The following MLIP variants were observed in gnomAD, a reference collection of about 807,000 sequenced individuals.
MLIP encodes the protein muscular LMNA-interacting protein.
A neutral mutation model predicts 84.8 loss-of-function variants in MLIP; 79 were observed. The observed-to-expected ratio is 0.93, with a 90% CI of 0.78 to 1.12. The LOEUF (loss-of-function observed/expected upper bound fraction) is 1.12, where lower values mean the gene tolerates loss of function less well. Among genes scored for constraint, MLIP ranks in the 50% most tolerant of loss-of-function variants. The pLI is 0.00. For missense variants in MLIP, 1,257 were observed against 1,160.6 expected, an observed-to-expected ratio of 1.08 and a Z score of -1.21; for synonymous variants, 504 against 463.0, an observed-to-expected ratio of 1.09 and a Z score of -1.14.
chr6:54,121,459 GGTTCTGAAGCCAA>G lies in MLIP; in HGVS notation c.110_122del (p.Gly37AspfsTer3). On this transcript the variant is annotated frameshift_variant, in exon 2 of 14. Transcript: ENST00000502396. LOFTEE classifies it high-confidence loss of function. ...ACATGTCTCATAGGTCTCTGCTGGT[GGTTCTGAAGCCAA>G]ACCTCTGATCTTCACATTTGTCCCC... The G allele has an allele frequency of 6.2e-7, 1 of 1,614,020 alleles. No individual in the cohort carries two copies.
chr6:54,070,295 TATG>T (rs1223727131), intron 1 of MLIP, among the ~76,000 whole-genome samples: 1 of 152,188 alleles, frequency 6.6e-6, no homozygotes, highest in Non-Finnish European at 1.5e-5. Flanking sequence ...CACAGTTTGA[TATG>T]ATGTTAGATT....
chr6:54,060,980 T>C (rs1449332953), intron 1 of MLIP, among the ~76,000 whole-genome samples: 1 of 150,998 alleles, frequency 6.6e-6, no homozygotes, highest in Non-Finnish European at 1.5e-5. Context: ...CAAGTTTTAC[T>C]GTTTCTTTTT....
upstream of MLIP, among the ~76,000 whole-genome samples, chr6:54,109,929 C>CTTCCTTCCTTCCTTCCTTCT (rs1397583578): frequency 9.6e-5 from 10 of 103,788 alleles, no homozygotes; most frequent in East Asian, 1.3e-3. Context: ...TTCTTTCTTC[C>CTTCCTTCCTTCCTTCCTTCT]TTCCTTCCTT....
chr6:54,251,775 TTATAACA>T (rs1398400771), intron 12 of MLIP, among the ~76,000 whole-genome samples: 1 of 97,900 alleles, frequency 1.0e-5, no homozygotes, highest in Non-Finnish European at 1.8e-5. Context: ...TAAATATATA[TTATAACA>T]TATAATATAT....
intron 9 of MLIP, 34 bp downstream of exon 9, chr6:54,169,606 C>T: frequency 6.9e-7 from 1 of 1,454,202 alleles, no homozygotes; most frequent in Non-Finnish European, 9.4e-7. Flanking sequence ...CACTGCTTTT[C>T]AAATGGGTGC....
intron 1 of MLIP, among the ~76,000 whole-genome samples, chr6:54,052,267 C>A (rs1043783455): frequency 6.6e-6 from 1 of 152,048 alleles, no homozygotes; most frequent in Non-Finnish European, 1.5e-5. Context: ...GGCTATAGGA[C>A]AACTATGATA....
chr6:54,071,796 T>C (rs1358842816), intron 1 of MLIP, among the ~76,000 whole-genome samples: 2 of 152,084 alleles, frequency 1.3e-5, no homozygotes, highest in African/African-American at 4.8e-5. Context: ...ATAAAATCTA[T>C]CAGGAAAAAA....
intron 9 of MLIP, among the ~76,000 whole-genome samples, chr6:54,169,877 G>C (rs1012241139): frequency 3.3e-5 from 5 of 151,580 alleles, no homozygotes; most frequent in African/African-American, 1.2e-4. Context: ...TTTTTGTAAT[G>C]GTTTATTATG....
chr6:54,233,494 C>A (rs1781151245), intron 12 of MLIP, among the ~76,000 whole-genome samples: 1 of 152,186 alleles, frequency 6.6e-6, no homozygotes, highest in Non-Finnish European at 1.5e-5. Flanking sequence ...CATGTCCCTG[C>A]AGAAGACATG....
rs563425272 is a variant in MLIP, at chr6:54,019,973, A to G, written c.63+882A>G. ...TAAAGTAATATATTTAATAAAATAC[A>G]CAACCTTTTCTTAAAGGAATCAGGT... is the stretch of plus-strand genomic sequence containing the variant. On this transcript the variant is annotated intron_variant, in intron 1 of 12. Coordinates refer to the MLIP transcript ENST00000274897. Among the ~76,000 whole-genome samples the G allele has an allele frequency of 2.0e-5, 3 of 152,342 alleles. No individual in the cohort carries two copies. The South Asian group carries it at 6.2e-4, about 32-fold the overall frequency.
intron 9 of MLIP, 31 bp downstream of exon 9, chr6:54,169,603 T>G: frequency 6.7e-7 from 1 of 1,494,132 alleles, no homozygotes; most frequent in Non-Finnish European, 9.1e-7. Context: ...ACACACTGCT[T>G]TTCAAATGGG....
intron 12 of MLIP, among the ~76,000 whole-genome samples, chr6:54,252,988 C>G (rs980793996): frequency 6.6e-6 from 1 of 152,164 alleles, no homozygotes; most frequent in South Asian, 2.1e-4. Context: ...TTTTACAAGT[C>G]GGAAAACTGT....
intron 11 of MLIP, chr6:54,216,368 G>A: frequency 1.0e-6 from 1 of 985,288 alleles, no homozygotes. Flanking sequence ...GGAAATAAAA[G>A]ACCAGAATCC....
intron 1 of MLIP, among the ~76,000 whole-genome samples, chr6:54,083,870 T>C (rs1041742430): frequency 6.6e-6 from 1 of 152,144 alleles, no homozygotes; most frequent in Non-Finnish European, 1.5e-5. Flanking sequence ...TGGGAAATAA[T>C]TTAGGTAAAT....
At chr6:54,153,955 T>C (rs1029450997) in intron 5 of MLIP, among the ~76,000 whole-genome samples, 1 of 152,114 alleles carries the variant, frequency 6.6e-6, no homozygotes, top group Non-Finnish European at 1.5e-5. Flanking sequence ...ATTTAGATTC[T>C]AGTGCAAGAG....
intron 1 of MLIP, among the ~76,000 whole-genome samples, chr6:54,087,310 G>A (rs892380000): frequency 2.6e-5 from 4 of 152,202 alleles, no homozygotes; most frequent in African/African-American, 9.6e-5. Flanking sequence ...AACTGCTGAA[G>A]AGGTGGAAGT....
At chr6:54,059,956 T>G (rs1765873179) in intron 1 of MLIP, among the ~76,000 whole-genome samples, 1 of 152,280 alleles carries the variant, frequency 6.6e-6, no homozygotes, top group Non-Finnish European at 1.5e-5. Context: ...GAGATCCTTT[T>G]CATTCAGCAT....
chr6:54,197,455 G>T (rs1778379430), intron 10 of MLIP, among the ~76,000 whole-genome samples: 1 of 152,060 alleles, frequency 6.6e-6, no homozygotes, highest in Non-Finnish European at 1.5e-5. Flanking sequence ...TGGTAGAGGT[G>T]TGTTTCAGAG....
intron 11 of MLIP, among the ~76,000 whole-genome samples, chr6:54,212,873 T>C (rs1198943830): frequency 6.6e-6 from 1 of 152,234 alleles, no homozygotes; most frequent in Non-Finnish European, 1.5e-5. Context: ...ATTTGCTACT[T>C]AAGTTACCTT....
Sources: allele counts gnomAD v4.1 joint callset (sites outside exome capture counted in the v4.1 genomes callset), GRCh38; gene constraint gnomAD v4.1.1; transcripts MANE v1.5; gene names NCBI Gene and HGNC (gene_info 2026-07-23, HGNC 2026-07-21).